The following CAMK2G variants were observed in gnomAD, a reference collection of about 807,000 sequenced individuals.
CAMK2G encodes the protein calcium/calmodulin-dependent protein kinase type II subunit gamma.
A neutral mutation model predicts 88.7 loss-of-function variants in CAMK2G; 23 were observed. The ratio of observed to expected loss-of-function variants is 0.26; its 90% confidence interval spans 0.19 to 0.37. The LOEUF (loss-of-function observed/expected upper bound fraction) is 0.37. CAMK2G is among the 10% of genes least tolerant of loss of function. The pLI is 1.00. For missense variants in CAMK2G, 476 were observed against 780.8 expected (o/e 0.61, Z 4.65); for synonymous variants, 263 against 294.8 (o/e 0.89, Z 1.11).
chr10:73,826,196 G>T (rs1373969946), intron 15 of CAMK2G, among the ~76,000 whole-genome samples: 1 of 152,190 alleles, frequency 6.6e-6, no homozygotes, highest in African/African-American at 2.4e-5. Flanking sequence ...ACTTTGGGAG[G>T]CCAAGGCGGG....
In CAMK2G at chr10:73,840,137, G is replaced by A. The variant is rs1281853913; in HGVS notation, c.947-536C>T. 2.6e-5 allele frequency among the ~76,000 whole-genome samples: 4 copies of A among 152,136 alleles called. No homozygotes were observed. In the East Asian group the frequency reaches 7.7e-4, roughly 29 times the overall value. On this transcript the variant is annotated intron_variant, in intron 12 of 22. Coordinates refer to ENST00000423381, the MANE Select transcript of CAMK2G (RefSeq NM_001367534.1). ...CAGCTAAGTTTACTGGTGGGCCCCA[G>A]CTCCATGCCCCCCAACCCCTCAGAG...
At chr10:73,853,087 G>C (rs1343110396) in intron 4 of CAMK2G, 105 bp downstream of exon 4, 1 of 1,029,522 alleles carries the variant, frequency 9.7e-7, no homozygotes, top group East Asian at 2.4e-5. Context: ...ACAAAGGAGG[G>C]GGCCCTGGGC....
rs771917163 is a variant in CAMK2G at position 73,815,215 on chromosome 10, T to G, written c.1567A>C (p.Thr523Pro). Reference sequence around the variant, plus strand: ...ACGTGGACGTGTGGGTTTAGGATGGTGGTATGGATAGGCTTGCTGTTCTTG... The same window carrying G: ...ACGTGGACGTGTGGGTTTAGGATGGGGGTATGGATAGGCTTGCTGTTCTTG... ...LSKNSKPIHT[T>P]ILNPHVHVIG... The change falls in exon 22 of 23, where the codon ACC becomes CCC. Residue 523 changes from threonine (T) to proline (P), a missense_variant. Transcript: ENST00000423381. The G allele has an allele frequency of 1.2e-6, 2 of 1,614,046 alleles. No individual in the cohort carries two copies. Among genetic ancestry groups the G allele is most frequent in the African/African-American group, 2.7e-5 (2 of 74,932 alleles).
chr10:73,832,106 G>T (rs1301795126), intron 14 of CAMK2G, among the ~76,000 whole-genome samples: 4 of 151,662 alleles, frequency 2.6e-5, no homozygotes. Flanking sequence ...GATAACAGTA[G>T]TGCACAATCT....
intron 2 of CAMK2G, among the ~76,000 whole-genome samples, chr10:73,869,101 ATT>A (rs2135884279): frequency 6.6e-6 from 1 of 152,340 alleles, no homozygotes; most frequent in South Asian, 2.1e-4. Flanking sequence ...GTTGTTGCAG[ATT>A]TTAGGTGGCA....
rs995866074 is a variant in CAMK2G, at chr10:73,848,349, C to T, written c.601+177G>A. Among the ~76,000 whole-genome samples, 2 of 152,224 alleles carry T rather than the reference C, an allele frequency of 1.3e-5. No homozygotes were observed. Among genetic ancestry groups the T allele is most frequent in the African/African-American group, 4.8e-5 (2 of 41,450 alleles). On this transcript the variant is annotated intron_variant, in intron 8 of 22. Transcript: ENST00000423381. This position sits in a 1 kb window ranked among gnomAD's most constrained non-coding sequence, Gnocchi z 4.5. ...CTCCAAGAAGGATACAATGTCATCC[C>T]AGAAGTACGCAGGGAGGAGGGTGTG...
rs761915442 is a variant in CAMK2G, at chr10:73,848,658, G to T, written c.518-49C>A. Reference sequence around the variant, plus strand: ...GCATACTGAACCCACTTTCTCTCTCGTTAAATCCACACCAGCCATTTCCCC... The same window carrying T: ...GCATACTGAACCCACTTTCTCTCTCTTTAAATCCACACCAGCCATTTCCCC... On this transcript the variant is annotated intron_variant, in intron 7 of 22. Coordinates refer to ENST00000423381, the MANE Select transcript of CAMK2G (RefSeq NM_001367534.1). The surrounding 1 kb of genome is among the most constrained non-coding windows in gnomAD (Gnocchi z 4.5). The T allele has an allele frequency of 1.9e-6, 2 of 1,073,268 alleles. No homozygotes were observed. The highest frequency in any genetic ancestry group is 2.8e-6 in the Non-Finnish European group (2 of 713,746). 66.5% of individuals were successfully genotyped at this position (1,073,268 alleles called of 1,614,324 possible). A position where few individuals can be genotyped will look rare whatever the true frequency, so the allele number is the denominator to read the frequency against.
At chr10:73,820,489 TATA>T (rs371171730) in intron 18 of CAMK2G, among the ~76,000 whole-genome samples, 11 of 31,274 alleles carry the variant, frequency 3.5e-4, no homozygotes, top group African/African-American at 1.4e-3. Context: ...TATATATATA[TATA>T]TTTTTTTTTT....
intron 5 of CAMK2G, among the ~76,000 whole-genome samples, chr10:73,851,909 T>C (rs2094656804): frequency 6.6e-6 from 1 of 152,036 alleles, no homozygotes; most frequent in Non-Finnish European, 1.5e-5. Context: ...CACACCCGGC[T>C]AATTTTTTTG....
intron 10 of CAMK2G, among the ~76,000 whole-genome samples, chr10:73,843,645 C>G (rs780555260): frequency 6.6e-6 from 1 of 152,094 alleles, no homozygotes; most frequent in Non-Finnish European, 1.5e-5. Context: ...GCTGTCTTCA[C>G]CAGCCTGTCA....
At chr10:73,815,454 A>G (rs1270380389) in intron 21 of CAMK2G, among the ~76,000 whole-genome samples, 1 of 151,424 alleles carries the variant, frequency 6.6e-6, no homozygotes, top group Non-Finnish European at 1.5e-5. Context: ...AAAGGAACAG[A>G]AAGATGGGTA....
rs569964191 is a variant in CAMK2G at position 73,848,800 on chromosome 10, T to C, written c.518-191A>G. 5.3e-5 allele frequency among the ~76,000 whole-genome samples: 8 copies of C among 152,344 alleles called. No individual in the cohort carries two copies. The East Asian group carries it at 1.5e-3, about 29-fold the overall frequency. On this transcript the variant is annotated intron_variant, in intron 7 of 22. Transcript: ENST00000423381. The surrounding 1 kb of genome is among the most constrained non-coding windows in gnomAD (Gnocchi z 4.5). ...GAATCTGAACCAGACGGCAAAGCCG[T>C]ATGCCTACCAGGAACTCCAGCTCCT...
intron 10 of CAMK2G, among the ~76,000 whole-genome samples, chr10:73,843,675 C>T (rs1377016616): frequency 1.3e-5 from 2 of 152,110 alleles, no homozygotes; most frequent in African/African-American, 4.8e-5. Context: ...ATCCTGGCAC[C>T]TGCAGCCAGG....
intron 21 of CAMK2G, chr10:73,816,448 G>A: frequency 9.2e-7 from 1 of 1,091,700 alleles, no homozygotes; most frequent in Non-Finnish European, 1.1e-6. Context: ...TTGGAAAGAG[G>A]TGAGGCTTAA....
intron 21 of CAMK2G, among the ~76,000 whole-genome samples, chr10:73,815,709 T>G (rs1221809981): frequency 6.6e-6 from 1 of 152,238 alleles, no homozygotes; most frequent in Admixed American, 6.5e-5. Flanking sequence ...TAGCTAGGGC[T>G]GCAGAACAAA....
At chr10:73,868,006 G>A (rs1290629556) in intron 2 of CAMK2G, among the ~76,000 whole-genome samples, 1 of 152,150 alleles carries the variant, frequency 6.6e-6, no homozygotes, top group Non-Finnish European at 1.5e-5. Flanking sequence ...GGTGACAAAG[G>A]GGCTCTGCAG....
intron 3 of CAMK2G, among the ~76,000 whole-genome samples, chr10:73,858,535 C>G (rs1400586149): frequency 6.6e-6 from 1 of 152,214 alleles, no homozygotes; most frequent in Non-Finnish European, 1.5e-5. Flanking sequence ...TTGACTCCCC[C>G]TTCCCTCTGC....
intron 10 of CAMK2G, among the ~76,000 whole-genome samples, chr10:73,845,127 A>T (rs1315902427): frequency 6.6e-6 from 1 of 152,200 alleles, no homozygotes; most frequent in African/African-American, 2.4e-5. Flanking sequence ...TCTACAGCAT[A>T]GGAAGAGGCT....
At chr10:73,837,740 T>C (rs932330822) in intron 13 of CAMK2G, among the ~76,000 whole-genome samples, 5 of 152,074 alleles carry the variant, frequency 3.3e-5, no homozygotes, top group African/African-American at 1.2e-4. Context: ...GAGGAGGGCA[T>C]GGATGCACGA....
Sources: gnomAD v4.1 joint callset for allele counts (sites outside exome capture counted in the v4.1 genomes callset) on GRCh38, gnomAD v4.1.1 for gene constraint, Gnocchi (gnomAD v3.1) non-coding constraint, MANE v1.5 for transcripts, NCBI Gene and HGNC (gene_info 2026-07-23, HGNC 2026-07-21) for gene names.